PCM1: variants seen among roughly 807,000 people sequenced by gnomAD.
The protein encoded by PCM1 is pericentriolar material 1, also known as pericentriolar material 1 protein.
Under a neutral mutation model 241.9 loss-of-function variants are expected in PCM1, and 157 were observed. The ratio of observed to expected loss-of-function variants is 0.65; its 90% CI spans 0.57 to 0.74. The LOEUF is 0.74. Ranked by LOEUF, PCM1 falls within the 30% of genes least tolerant of loss-of-function variation. The pLI is 0.00. For synonymous variants in PCM1, 1,085 were observed against 784.9 expected (o/e 1.38, Z -6.39); for missense variants, 3,478 against 2,360.1 (o/e 1.47, Z -9.81).
At chr8:18,019,135 A>G (rs534342847) in intron 36 of PCM1, among the ~76,000 whole-genome samples, 35 of 152,094 alleles carry the variant, frequency 2.3e-4, no homozygotes, top group Admixed American at 2.0e-3. Flanking sequence ...AGAACCAGCA[A>G]TATACTTGGA....
chr8:18,001,356 G>C (rs143924972), intron 29 of PCM1, among the ~76,000 whole-genome samples: 167 of 152,154 alleles, frequency 1.1e-3, no homozygotes, highest in African/African-American at 3.7e-3. Context: ...ACAATTTTTA[G>C]ACATAAAATT....
chr8:17,949,105 A>T (rs1278453761), intron 7 of PCM1, among the ~76,000 whole-genome samples: 2 of 152,184 alleles, frequency 1.3e-5, no homozygotes, highest in Non-Finnish European at 2.9e-5. Flanking sequence ...TACTATTATG[A>T]GTCAGAGAAT....
At chr8:17,963,966 A>G (rs1390366410) in intron 17 of PCM1, among the ~76,000 whole-genome samples, 1 of 152,046 alleles carries the variant, frequency 6.6e-6, no homozygotes, top group Non-Finnish European at 1.5e-5. Context: ...ATCAGACTAT[A>G]TCTACAATAT....
At position 17,953,050 on chromosome 8, in the gene PCM1, AG is replaced by A. The variant is rs1563855563; in HGVS notation, c.1153del (p.Ala385LeufsTer16). ...AGGTTTCCCAGAGCAGGAAACCATC[AG>A]CTTCAGAACGTTTACCTGATGAGAA... is the stretch of plus-strand genomic sequence containing the variant. ...REVSQSRKPS[A>X]SERLPDEKVE... is the part of the protein sequence containing the mutation. On this transcript the variant is annotated frameshift_variant, in exon 9 of 39. Coordinates refer to ENST00000325083, the MANE Select transcript of PCM1 (RefSeq NM_006197.4). LOFTEE classifies it high-confidence loss of function. 1 of 1,607,864 alleles carries A rather than the reference AG, an allele frequency of 6.2e-7. No homozygotes were observed. Among genetic ancestry groups the A allele is most frequent in the Non-Finnish European group, 8.5e-7 (1 of 1,176,710 alleles).
At chr8:18,015,229 A>AGAATCTT (rs2093013868) in intron 36 of PCM1, among the ~76,000 whole-genome samples, 1 of 148,640 alleles carries the variant, frequency 6.7e-6, no homozygotes, top group Non-Finnish European at 1.5e-5. Flanking sequence ...GTTTGACAAC[A>AGAATCTT]GAATCTTTAT....
chr8:18,024,741 G>T (rs570585340), intron 36 of PCM1, among the ~76,000 whole-genome samples: 2 of 152,222 alleles, frequency 1.3e-5, no homozygotes, highest in South Asian at 2.1e-4. Flanking sequence ...TAGATTGGGG[G>T]ATCTACTATT....
intron 7 of PCM1, 48 bp from the exon 8 acceptor site, chr8:17,950,567 A>G: frequency 1.1e-6 from 1 of 892,054 alleles, no homozygotes; most frequent in Admixed American, 2.5e-5. Flanking sequence ...AGATTAAAAA[A>G]GGTGTTTGAT....
Position 17,960,162 on chromosome 8 carries a change from C to G in PCM1, c.2189C>G (p.Ala730Gly), listed in dbSNP as rs563410996. Residue 730 changes from alanine to glycine, a missense_variant, in exon 14 of 39, where the codon GCA (alanine) becomes GGA (glycine). Physicochemically the swap from Ala to Gly is moderately conservative, Grantham distance 60 (BLOSUM62 0). Coordinates refer to ENST00000325083, the MANE Select transcript of PCM1 (RefSeq NM_006197.4). ...TQKDTGVNEK[A>G]REKFYEAKLQ... is the part of the protein sequence containing the mutation. ...AAAGATACTGGAGTAAATGAAAAGG[C>G]AAGGTATGTTAAGCTTTTGGCCTTC... 6.4e-7 allele frequency: 1 copy of G among 1,566,794 alleles called. No individual in the cohort carries two copies. Among genetic ancestry groups the G allele is most frequent in the East Asian group, 2.3e-5 (1 of 42,986 alleles).
chr8:17,984,324 C>T (rs2081912189), intron 24 of PCM1, among the ~76,000 whole-genome samples: 1 of 151,700 alleles, frequency 6.6e-6, no homozygotes, highest in South Asian at 2.1e-4. Flanking sequence ...GGATTTTTCC[C>T]ATTAGAAGAG....
intron 27 of PCM1, among the ~76,000 whole-genome samples, chr8:17,991,184 A>G (rs1042676063): frequency 5.9e-5 from 9 of 152,038 alleles, no homozygotes; most frequent in Non-Finnish European, 1.2e-4. Context: ...AATTTGCATG[A>G]CATTTTGGAA....
chr8:17,941,622 T>A (rs550633747), intron 6 of PCM1, among the ~76,000 whole-genome samples: 1 of 152,140 alleles, frequency 6.6e-6, no homozygotes, highest in African/African-American at 2.4e-5. Context: ...GTTAAGAATT[T>A]AATATGCTAC....
In PCM1 at chr8:17,965,727, A is replaced by G. The variant is rs553200160; in HGVS notation, c.2856-272A>G. Among the ~76,000 whole-genome samples the G allele has an allele frequency of 1.2e-4, 18 of 152,346 alleles. No homozygotes were observed. The East Asian group carries it at 3.5e-3, about 29-fold the overall frequency. ...TGAAGAATGGAAAACTACTTGTGACATAATAAATATTTTTATTTTGCAGAA... is the reference window on the plus strand; with the variant it reads ...TGAAGAATGGAAAACTACTTGTGACGTAATAAATATTTTTATTTTGCAGAA... On this transcript the variant is annotated intron_variant, in intron 18 of 38. Coordinates refer to ENST00000325083, the MANE Select transcript of PCM1 (RefSeq NM_006197.4).
At chr8:18,019,840 T>C (rs1308148208) in intron 36 of PCM1, among the ~76,000 whole-genome samples, 1 of 152,160 alleles carries the variant, frequency 6.6e-6, no homozygotes, top group East Asian at 1.9e-4. Flanking sequence ...ATCCCTGCTG[T>C]AGAGTAAAGG....
chr8:17,961,100 C>T (rs952769594), intron 15 of PCM1, among the ~76,000 whole-genome samples: 2 of 151,996 alleles, frequency 1.3e-5, no homozygotes, highest in African/African-American at 4.8e-5. Context: ...AATCTTTAAG[C>T]CACCATAAGA....
rs1315208493 is a variant in PCM1 at position 17,939,682 on chromosome 8, C to A, written c.613-9C>A. ...CATGCTTTTTTTAAAAAAAATATTTCCCCTGCAGATTGTAAGCAGGCTTGT... is the reference window on the plus strand; with the variant it reads ...CATGCTTTTTTTAAAAAAAATATTTACCCTGCAGATTGTAAGCAGGCTTGT... On this transcript the variant is annotated splice_polypyrimidine_tract_variant and intron_variant, in intron 5 of 38. Transcript: ENST00000325083. 4 of 1,479,110 alleles carry A rather than the reference C, an allele frequency of 2.7e-6. No individual in the cohort carries two copies. The highest frequency in any genetic ancestry group is 3.6e-6 in the Non-Finnish European group (4 of 1,103,808). The allele number at this position is 1,479,110 out of a possible 1,614,324, so 91.6% of individuals were successfully genotyped here. A position where few individuals can be genotyped will look rare whatever the true frequency, so the allele number is the denominator to read the frequency against.
chr8:17,955,293 A>G (rs1586713134), intron 9 of PCM1, among the ~76,000 whole-genome samples, 177 bp from the exon 10 acceptor site: 2 of 152,288 alleles, frequency 1.3e-5, no homozygotes, highest in Non-Finnish European at 2.9e-5. Flanking sequence ...AAGTCTTTGT[A>G]CATTTTGATG....
At chr8:17,956,267 C>T (rs2068429892) in intron 10 of PCM1, among the ~76,000 whole-genome samples, 1 of 152,130 alleles carries the variant, frequency 6.6e-6, no homozygotes, top group Non-Finnish European at 1.5e-5. Context: ...TTTAGTAGTA[C>T]TTCACACTTT....
chr8:17,934,631 C>T (rs1167727164), intron 2 of PCM1: 1 of 151,656 alleles, frequency 6.6e-6, no homozygotes, highest in African/African-American at 2.4e-5. Context: ...AATGTCAGTG[C>T]TTTTGTGTGT....
intron 20 of PCM1, 21 bp downstream of exon 20, chr8:17,966,494 A>G (rs1232661393): frequency 6.2e-7 from 1 of 1,609,720 alleles, no homozygotes; most frequent in Non-Finnish European, 8.5e-7. Flanking sequence ...TCTTAGAAGT[A>G]TTGAGACTGT....
Sources: gnomAD v4.1 joint callset for allele counts (sites outside exome capture counted in the v4.1 genomes callset) on GRCh38, gnomAD v4.1.1 for gene constraint, MANE v1.5 for transcripts, NCBI Gene and HGNC (gene_info 2026-07-23, HGNC 2026-07-21) for gene names.